EVI5L: variants seen among roughly 807,000 people sequenced by gnomAD.
EVI5L encodes the protein EVI5-like protein.
A neutral mutation model predicts 106.1 loss-of-function variants in EVI5L; 30 were observed. The ratio of observed to expected loss-of-function variants is 0.28; its 90% CI spans 0.21 to 0.38. The LOEUF (loss-of-function observed/expected upper bound fraction) is 0.38. Ranked by LOEUF, EVI5L falls within the 10% of genes least tolerant of loss-of-function variation. EVI5L has a pLI of 1.00. For missense variants in EVI5L, 809 were observed against 1,098.0 expected, an observed-to-expected ratio of 0.74 and a Z score of 3.72; for synonymous variants, 489 against 483.3, an observed-to-expected ratio of 1.01 and a Z score of -0.15.
At chr19:7,840,965 G>T (rs190839399) in intron 1 of EVI5L, among the ~76,000 whole-genome samples, 1 of 152,184 alleles carries the variant, frequency 6.6e-6, no homozygotes, top group Admixed American at 6.5e-5. Context: ...CCTACGAGTG[G>T]ATTTGCCAGG....
intron 8 of EVI5L, 76 bp from the exon 9 acceptor site, chr19:7,853,010 G>A: frequency 6.7e-7 from 1 of 1,493,380 alleles, no homozygotes; most frequent in Non-Finnish European, 9.3e-7. Flanking sequence ...CCCCCTCCAG[G>A]GCAACAGGGC....
rs1978960392 is a variant in EVI5L, at chr19:7,846,567, G to A, written c.25G>A (p.Asp9Asn). 1 of 1,612,874 alleles carries A rather than the reference G, an allele frequency of 6.2e-7. No individual in the cohort carries two copies. The highest frequency in any genetic ancestry group is 1.7e-5 in the Admixed American group (1 of 59,762). Residue 9 changes from aspartate to asparagine, a missense_variant, in exon 2 of 20, where the codon GAC (aspartate) becomes AAC (asparagine). This residue lies in a region of EVI5L where 357 missense variants were observed against 588.1 expected (regional missense o/e 0.61). Coordinates refer to ENST00000538904, the MANE Select transcript of EVI5L (RefSeq NM_001159944.3). ...CATGGCGAGCCCCACTCTGAGCCCC[G>A]ACTCCTCATCCCAGGAGGCCCTGTC... is the stretch of plus-strand genomic sequence containing the variant. MASPTLSP[D>N]SSSQEALSAP...
rs1214950907 is a variant in EVI5L at position 7,862,414 on chromosome 19, C to T, written c.1827C>T (p.Asn609=). The part of the protein sequence containing the change: ...TQDHIHRNLL[N]RVEAERAALQ... ...ACCACATCCACCGCAACCTTCTGAA[C>T]CGCGTGGAGGCGGAGCGCGCGGCGC... Residue 609 remains asparagine (N), a synonymous_variant, in exon 17 of 20, where the codon AAC becomes AAT. Transcript: ENST00000538904. 1 of 1,610,008 alleles carries T rather than the reference C, an allele frequency of 6.2e-7. No individual in the cohort carries two copies. The highest frequency in any genetic ancestry group is 1.7e-5 in the Admixed American group (1 of 59,686).
intron 6 of EVI5L, 41 bp from the exon 7 acceptor site, chr19:7,851,393 C>T (rs770694151): frequency 9.5e-6 from 15 of 1,584,604 alleles, no homozygotes; most frequent in East Asian, 2.3e-5. Flanking sequence ...GGTGGGAGGG[C>T]GTCCCCCTCA....
chr19:7,863,805 C>T lies in EVI5L; in HGVS notation c.*103C>T, dbSNP rs562250919. On this transcript the variant is annotated 3_prime_UTR_variant, in exon 20 of 20. Coordinates refer to ENST00000538904, the MANE Select transcript of EVI5L (RefSeq NM_001159944.3). This position sits in a 1 kb window ranked among gnomAD's most constrained non-coding sequence, Gnocchi z 7.7. The stretch of plus-strand genomic sequence containing the variant: ...CTGCCGCACTTGACAAACTACGCGC[C>T]CTCTGTGGCTCGGCCACCCCTAAAG... The T allele has an allele frequency of 3.0e-5, 42 of 1,390,038 alleles. No homozygotes were observed. The African/African-American group carries it at 4.1e-4, about 13-fold the overall frequency. 86.1% of individuals were successfully genotyped at this position (1,390,038 alleles called of 1,614,324 possible). A position where few individuals can be genotyped will look rare whatever the true frequency, so the allele number is the denominator to read the frequency against.
chr19:7,862,311 G>A, intron 16 of EVI5L, 34 bp downstream of exon 16: 1 of 1,583,206 alleles, frequency 6.3e-7, no homozygotes, highest in Non-Finnish European at 8.6e-7. Context: ...TGGGGAAGGG[G>A]CGTGGTGTCC....
chr19:7,841,364 C>A (rs781599268), intron 1 of EVI5L, among the ~76,000 whole-genome samples: 2 of 152,064 alleles, frequency 1.3e-5, no homozygotes, highest in Non-Finnish European at 2.9e-5. Flanking sequence ...TGAGAAGTCC[C>A]GGCCAGAGAG....
chr19:7,845,140 G>A lies in EVI5L; in HGVS notation c.-47-1356G>A, dbSNP rs539929175. 6.6e-6 allele frequency among the ~76,000 whole-genome samples: 1 copy of A among 152,248 alleles called. No individual in the cohort carries two copies. The highest frequency in any genetic ancestry group is 2.1e-4 in the South Asian group (1 of 4,824). On this transcript the variant is annotated intron_variant, in intron 1 of 19. Transcript: ENST00000538904. This position sits in a 1 kb window ranked among gnomAD's most constrained non-coding sequence, Gnocchi z 4.0. ...GGAGCTGTCAGCCAGGTCAGGTGGG[G>A]TCAAGTGGCACACGGCAGACTCCTG...
rs865883637 is a variant in EVI5L, at chr19:7,863,625, G to A, written c.2341G>A (p.Ala781Thr). The A allele has an allele frequency of 6.4e-7, 1 of 1,553,264 alleles. No individual in the cohort carries two copies. The highest frequency in any genetic ancestry group is 8.7e-7 in the Non-Finnish European group (1 of 1,149,702). The change falls in exon 20 of 20, where the codon GCC becomes ACC. Residue 781 changes from alanine to threonine, a missense_variant. This residue lies in a region of EVI5L where 452 missense variants were observed against 509.9 expected (regional missense o/e 0.89). Transcript: ENST00000538904. The surrounding 1 kb of genome is among the most constrained non-coding windows in gnomAD (Gnocchi z 7.7). Reference sequence around the variant, plus strand: ...CTTCTTCCGCCGTCTGGAGCGGCCGGCCAAGGACAGCGAGGGCAGCTCAGA... The same window carrying A: ...CTTCTTCCGCCGTCTGGAGCGGCCGACCAAGGACAGCGAGGGCAGCTCAGA... ...ARFFRRLERP[A>T]KDSEGSSDSD...
chr19:7,835,826 C>T lies in EVI5L; in HGVS notation c.-48+5445C>T, dbSNP rs536813706. ...GGGCCATTTCCCCAGAGGTCAGAGC[C>T]AGCCAAGACAGCAGCAGTCTGTCAG... On this transcript the variant is annotated intron_variant, in intron 1 of 19. Coordinates refer to ENST00000538904, the MANE Select transcript of EVI5L (RefSeq NM_001159944.3). The surrounding 1 kb of genome is among the most constrained non-coding windows in gnomAD (Gnocchi z 4.1). Among the ~76,000 whole-genome samples, 1 of 152,346 alleles carries T rather than the reference C, an allele frequency of 6.6e-6. No homozygotes were observed. The highest frequency in any genetic ancestry group is 2.4e-5 in the African/African-American group (1 of 41,574).
Position 7,848,563 on chromosome 19 carries a change from A to C in EVI5L, c.328-358A>C, listed in dbSNP as rs1352903768. On this transcript the variant is annotated intron_variant, in intron 3 of 19. Transcript: ENST00000538904. The surrounding 1 kb of genome is among the most constrained non-coding windows in gnomAD (Gnocchi z 4.8). ...CAGTGAGCCAAGATCACGCCACTGC[A>C]CTCCGGCGTGGGCAACAGAGTGAGA... Among the ~76,000 whole-genome samples the C allele has an allele frequency of 1.3e-5, 2 of 151,354 alleles. No individual in the cohort carries two copies. Among genetic ancestry groups the C allele is most frequent in the African/African-American group, 4.9e-5 (2 of 41,120 alleles).
Position 7,849,345 on chromosome 19 carries a change from G to A in EVI5L, c.627+15G>A, listed in dbSNP as rs1440829880. The A allele has an allele frequency of 6.2e-7, 1 of 1,613,604 alleles. No individual in the cohort carries two copies. The highest frequency in any genetic ancestry group is 1.7e-5 in the Admixed American group (1 of 60,026). Reference sequence around the variant, plus strand: ...TCCTCATGCAGGTAGGTGGCTGGGGGGTGGCTGGGCTCCTGCCAGACAACA... The same window carrying A: ...TCCTCATGCAGGTAGGTGGCTGGGGAGTGGCTGGGCTCCTGCCAGACAACA... On this transcript the variant is annotated intron_variant, in intron 5 of 19. Transcript: ENST00000538904.
Position 7,845,089 on chromosome 19 carries a change from G to T in EVI5L, c.-47-1407G>T, listed in dbSNP as rs879539833. Among the ~76,000 whole-genome samples, 1 of 152,046 alleles carries T rather than the reference G, an allele frequency of 6.6e-6. No homozygotes were observed. Among genetic ancestry groups the T allele is most frequent in the Admixed American group, 6.6e-5 (1 of 15,258 alleles). Reference sequence around the variant, plus strand: ...GGGATCCAGATATCCCCACTCCAAGGACCCAGCGAGGCCCTCTCTGTAGGT... The same window carrying T: ...GGGATCCAGATATCCCCACTCCAAGTACCCAGCGAGGCCCTCTCTGTAGGT... On this transcript the variant is annotated intron_variant, in intron 1 of 19. Transcript: ENST00000538904. This position sits in a 1 kb window ranked among gnomAD's most constrained non-coding sequence, Gnocchi z 4.0.
intron 13 of EVI5L, among the ~76,000 whole-genome samples, chr19:7,860,305 G>A (rs1268782536): frequency 2.6e-5 from 4 of 152,182 alleles, no homozygotes; most frequent in African/African-American, 4.8e-5. Context: ...CGGGGCATCC[G>A]AAGGCCAAGG....
rs1341693770 is a variant in EVI5L at position 7,864,243 on chromosome 19, C to A, written c.*541C>A. ...TCTAGGGGAGTCAGGCCGCTGGGGA[C>A]AGATGGCCAGGCCGGCCTCTCCTGC... On this transcript the variant is annotated 3_prime_UTR_variant, in exon 20 of 20. Coordinates refer to ENST00000538904, the MANE Select transcript of EVI5L (RefSeq NM_001159944.3). The surrounding 1 kb of genome is among the most constrained non-coding windows in gnomAD (Gnocchi z 4.5). The A allele has an allele frequency of 6.5e-6, 1 of 152,798 alleles. No individual in the cohort carries two copies. The highest frequency in any genetic ancestry group is 2.4e-5 in the African/African-American group (1 of 41,456). 9.5% of individuals were successfully genotyped at this position (152,798 alleles called of 1,614,324 possible).
At chr19:7,855,557 C>T (rs1028533547) in intron 10 of EVI5L, among the ~76,000 whole-genome samples, 6 of 152,310 alleles carry the variant, frequency 3.9e-5, no homozygotes, top group South Asian at 2.1e-4. Context: ...ATGATCAGCA[C>T]GCTGGACCCA....
intron 6 of EVI5L, among the ~76,000 whole-genome samples, chr19:7,851,205 C>CGG (rs1979233818): frequency 1.3e-5 from 2 of 152,144 alleles, no homozygotes; most frequent in African/African-American, 4.8e-5. Context: ...CCAACACAGG[C>CGG]GGCTACAGAT....
Position 7,858,374 on chromosome 19 carries a change from G to T in EVI5L, c.1374+43G>T. On this transcript the variant is annotated intron_variant, in intron 13 of 19. Transcript: ENST00000538904. This position sits in a 1 kb window ranked among gnomAD's most constrained non-coding sequence, Gnocchi z 5.7. ...GGGCTGCTGGGCGGGGCCATGACCC[G>T]CGCCCCCGCCCCCGCCCAACGGTTT... is the stretch of plus-strand genomic sequence containing the variant. The T allele has an allele frequency of 6.6e-7, 1 of 1,512,084 alleles. No individual in the cohort carries two copies. The highest frequency in any genetic ancestry group is 8.8e-7 in the Non-Finnish European group (1 of 1,133,780). The allele number at this position is 1,512,084 out of a possible 1,614,324, so 93.7% of individuals were successfully genotyped here. A position where few individuals can be genotyped will look rare whatever the true frequency, so the allele number is the denominator to read the frequency against.
At chr19:7,841,797 C>T (rs1022525933) in intron 1 of EVI5L, among the ~76,000 whole-genome samples, 1 of 152,240 alleles carries the variant, frequency 6.6e-6, no homozygotes, top group South Asian at 2.1e-4. Context: ...CCCTGCCTCG[C>T]TCCCTACCAT....
Sources: allele counts gnomAD v4.1 joint callset (sites outside exome capture counted in the v4.1 genomes callset), GRCh38; gene constraint gnomAD v4.1.1; regional missense constraint gnomAD v4.1.1; non-coding constraint Gnocchi (gnomAD v3.1); transcripts MANE v1.5; gene names NCBI Gene and HGNC (gene_info 2026-07-23, HGNC 2026-07-21).